Variants in STK32B observed in about 807,000 individuals in gnomAD.
STK32B encodes the protein serine/threonine-protein kinase 32B.
Under a neutral mutation model 52.6 loss-of-function variants are expected in STK32B, and 43 were observed. The ratio of observed to expected loss-of-function variants is 0.82; its 90% confidence interval spans 0.64 to 1.05. The LOEUF is 1.05. Ranked by LOEUF, STK32B falls within the 50% of genes least tolerant of loss-of-function variation. The probability of loss-of-function intolerance (pLI) is 0.00; values close to 1 mark genes in which losing one functional copy is unlikely to be tolerated. For missense variants in STK32B, 621 were observed against 534.6 expected (o/e 1.16, Z -1.59); for synonymous variants, 238 against 204.3 (o/e 1.17, Z -1.41).
intron 1 of STK32B, among the ~76,000 whole-genome samples, chr4:5,124,973 A>G (rs73089684): frequency 0.016 from 2,460 of 152,270 alleles, 70 homozygotes; most frequent in African/African-American, 0.056. Flanking sequence ...AGCAGACAGA[A>G]TTCTTCAACT....
chr4:5,469,508 G>A lies in STK32B; in HGVS notation c.1106+1438G>A, dbSNP rs571489354. 2.6e-5 allele frequency among the ~76,000 whole-genome samples: 4 copies of A among 152,336 alleles called. No individual in the cohort carries two copies. The East Asian group carries it at 7.7e-4, about 29-fold the overall frequency. ...CAGCATGGCTGCCGCAGGGCCTAGA[G>A]AGTGAGGAGAGGTGAGGGATGGGGC... On this transcript the variant is annotated intron_variant, in intron 11 of 11. Transcript: ENST00000282908. The surrounding 1 kb of genome is among the most constrained non-coding windows in gnomAD (Gnocchi z 4.7).
At chr4:5,217,413 G>A (rs1723246781) in intron 3 of STK32B, among the ~76,000 whole-genome samples, 1 of 152,216 alleles carries the variant, frequency 6.6e-6, no homozygotes, top group Non-Finnish European at 1.5e-5. Flanking sequence ...CATTAAAAAT[G>A]ACATTGACCA....
intron 3 of STK32B, among the ~76,000 whole-genome samples, chr4:5,288,173 C>T (rs965304434): frequency 6.6e-6 from 1 of 152,056 alleles, no homozygotes; most frequent in African/African-American, 2.4e-5. Flanking sequence ...TCAATTGTTT[C>T]CCTATTTTGA....
intron 4 of STK32B, among the ~76,000 whole-genome samples, chr4:5,367,060 T>C (rs539800748): frequency 3.2e-4 from 48 of 152,190 alleles, no homozygotes; most frequent in Admixed American, 1.7e-3. Flanking sequence ...CCACCTCCCC[T>C]TCTCTCCATG....
intron 2 of STK32B, among the ~76,000 whole-genome samples, chr4:5,165,803 G>A (rs1718826073): frequency 6.6e-6 from 1 of 152,198 alleles, no homozygotes; most frequent in African/African-American, 2.4e-5. Context: ...TGGGTGTTCT[G>A]TGGGCCTTCG....
intron 2 of STK32B, chr4:5,140,399 T>C: frequency 1.1e-6 from 1 of 914,776 alleles, no homozygotes; most frequent in Non-Finnish European, 1.4e-6. Flanking sequence ...ACAAAAATAC[T>C]CCCCCCAGTC....
intron 6 of STK32B, among the ~76,000 whole-genome samples, chr4:5,426,694 A>AAAAAAAC (rs1553887890): frequency 3.0e-4 from 42 of 139,690 alleles, no homozygotes; most frequent in Non-Finnish European, 5.3e-4. Context: ...CATCTAAACA[A>AAAAAAAC]AAAAAAAAAA....
chr4:5,243,407 G>A (rs1352711163), intron 3 of STK32B, among the ~76,000 whole-genome samples: 3 of 152,156 alleles, frequency 2.0e-5, no homozygotes, highest in Non-Finnish European at 2.9e-5. Flanking sequence ...AAGAATGCTT[G>A]CGATTTTTGC....
rs763281677 is a variant in STK32B at position 5,051,854 on chromosome 4, A to G, written c.-10A>G. On this transcript the variant is annotated 5_prime_UTR_variant, in exon 1 of 12. Coordinates refer to ENST00000282908, the MANE Select transcript of STK32B (RefSeq NM_018401.3). ...GGCCGGGCATGTAGCAGCGGCAGCA[A>G]CGGCGGAATATGGGCGGGAACCACT... is the stretch of plus-strand genomic sequence containing the variant. The G allele has an allele frequency of 4.4e-6, 7 of 1,595,322 alleles. No individual in the cohort carries two copies. The Admixed American group carries it at 1.0e-4, about 24-fold the overall frequency.
At chr4:5,239,844 A>G (rs6817353) in intron 3 of STK32B, among the ~76,000 whole-genome samples, 36,558 of 151,794 alleles carry the variant, frequency 0.24, 9,371 homozygotes, top group African/African-American at 0.65. Flanking sequence ...TTACATCTGG[A>G]CCCCAGTAAT....
chr4:5,463,048 G>A (rs1205870656), intron 9 of STK32B, among the ~76,000 whole-genome samples: 1 of 152,224 alleles, frequency 6.6e-6, no homozygotes, highest in African/African-American at 2.4e-5. Flanking sequence ...CAGATCCGAT[G>A]AGAAACCAGG....
chr4:5,471,517 T>G (rs1476480587), intron 11 of STK32B, among the ~76,000 whole-genome samples: 1 of 151,894 alleles, frequency 6.6e-6, no homozygotes, highest in East Asian at 1.9e-4. Context: ...CACACCTTGA[T>G]TTCAGACTCT....
At chr4:5,060,156 G>A (rs1742163804) in intron 1 of STK32B, among the ~76,000 whole-genome samples, 1 of 152,136 alleles carries the variant, frequency 6.6e-6, no homozygotes, top group Non-Finnish European at 1.5e-5. Flanking sequence ...AGTGGAGACA[G>A]AGTTTTTCCA....
At chr4:5,148,891 G>A (rs193267688) in intron 2 of STK32B, among the ~76,000 whole-genome samples, 23 of 151,670 alleles carry the variant, frequency 1.5e-4, no homozygotes, top group Admixed American at 3.3e-4. Context: ...CTTCTTATAC[G>A]TTGAGATTTG....
chr4:5,442,189 A>T (rs1192017737), intron 6 of STK32B, among the ~76,000 whole-genome samples: 1 of 134,684 alleles, frequency 7.4e-6, no homozygotes, highest in Non-Finnish European at 1.6e-5. Flanking sequence ...GATCTGTCTA[A>T]TGTTGACAGT....
chr4:5,269,849 A>G (rs1374520748), intron 3 of STK32B, among the ~76,000 whole-genome samples: 2 of 152,236 alleles, frequency 1.3e-5, no homozygotes, highest in Non-Finnish European at 2.9e-5. Flanking sequence ...GATATTACTC[A>G]GGAACAGATA....
intron 3 of STK32B, among the ~76,000 whole-genome samples, chr4:5,264,695 G>C (rs1282762994): frequency 2.0e-5 from 3 of 152,110 alleles, no homozygotes; most frequent in African/African-American, 7.2e-5. Context: ...GCTGAGGCAG[G>C]AGAATGGCGT....
At chr4:5,218,819 C>T (rs943675053) in intron 3 of STK32B, among the ~76,000 whole-genome samples, 1 of 152,236 alleles carries the variant, frequency 6.6e-6, no homozygotes, top group Non-Finnish European at 1.5e-5. Flanking sequence ...TTTTGGCGTG[C>T]TCTTGCCAGG....
At chr4:5,192,732 G>A (rs1252070399) in intron 3 of STK32B, among the ~76,000 whole-genome samples, 1 of 90,012 alleles carries the variant, frequency 1.1e-5, no homozygotes, top group Non-Finnish European at 2.4e-5. Context: ...TGTGTGTGGT[G>A]AGAACACCGA....
Sources: allele counts gnomAD v4.1 joint callset (sites outside exome capture counted in the v4.1 genomes callset), GRCh38; gene constraint gnomAD v4.1.1; non-coding constraint Gnocchi (gnomAD v3.1); transcripts MANE v1.5; gene names NCBI Gene and HGNC (gene_info 2026-07-23, HGNC 2026-07-21).